Variants in PRKCB observed in about 807,000 individuals in gnomAD.
PRKCB encodes the protein protein kinase C beta.
In PRKCB, 13 loss-of-function variants were observed where a neutral mutation model predicts 81.5. The observed-to-expected ratio is 0.16, with a 90% CI of 0.10 to 0.25. The LOEUF (loss-of-function observed/expected upper bound fraction) is 0.25. Among genes scored for constraint, PRKCB ranks in the 10% least tolerant of loss-of-function variants. The pLI is 1.00. For missense variants in PRKCB, 509 were observed against 875.7 expected (o/e 0.58, Z 5.29); for synonymous variants, 335 against 321.4 (o/e 1.04, Z -0.45).
At chr16:23,974,242 T>C (rs1188644279) in intron 2 of PRKCB, among the ~76,000 whole-genome samples, 1 of 152,046 alleles carries the variant, frequency 6.6e-6, no homozygotes, top group Non-Finnish European at 1.5e-5. Context: ...GCTTGGGGCA[T>C]GTTCTGTTCA....
At chr16:23,945,337 T>C (rs3785390) in intron 2 of PRKCB, among the ~76,000 whole-genome samples, 54,933 of 152,100 alleles carry the variant, frequency 0.36, 10,187 homozygotes, top group South Asian at 0.52. Context: ...GGGGATGATA[T>C]GGAAATAATG....
intron 9 of PRKCB, among the ~76,000 whole-genome samples, chr16:24,154,149 C>T (rs1008115972): frequency 1.3e-5 from 2 of 152,170 alleles, no homozygotes; most frequent in Non-Finnish European, 2.9e-5. Flanking sequence ...ACAATCATCT[C>T]CCCTGGAACC....
rs780807794 is a variant in PRKCB at position 23,988,602 on chromosome 16, G to A, written c.288+12G>A. On this transcript the variant is annotated intron_variant, in intron 3 of 16. Transcript: ENST00000643927. ...GTCCAGCCTCCGATGTAAGTAATGGGCATCGATTGCTTTTCTCTGTCCACA... is the reference window on the plus strand; with the variant it reads ...GTCCAGCCTCCGATGTAAGTAATGGACATCGATTGCTTTTCTCTGTCCACA... The A allele has an allele frequency of 8.1e-6, 13 of 1,610,486 alleles. No individual in the cohort carries two copies. Among genetic ancestry groups the A allele is most frequent in the South Asian group, 6.6e-5 (6 of 90,958 alleles).
At chr16:23,862,552 A>C (rs1434376919) in intron 2 of PRKCB, among the ~76,000 whole-genome samples, 1 of 152,220 alleles carries the variant, frequency 6.6e-6, no homozygotes, top group Non-Finnish European at 1.5e-5. Context: ...ACCTCTCTGC[A>C]GAATCTGCTT....
intron 2 of PRKCB, among the ~76,000 whole-genome samples, chr16:23,909,451 A>C (rs1963617105): frequency 6.6e-6 from 1 of 152,224 alleles, no homozygotes. Flanking sequence ...GAGAGAGGAA[A>C]TCAGCTCTCT....
chr16:24,150,070 C>T (rs1967055902), intron 9 of PRKCB, among the ~76,000 whole-genome samples: 2 of 152,144 alleles, frequency 1.3e-5, no homozygotes, highest in African/African-American at 4.8e-5. Context: ...GTGGCTTACG[C>T]CTGTAATCCC....
At chr16:23,855,839 A>G (rs931721431) in intron 2 of PRKCB, among the ~76,000 whole-genome samples, 1 of 152,326 alleles carries the variant, frequency 6.6e-6, no homozygotes, top group South Asian at 2.1e-4. Context: ...GGAAGGCAGC[A>G]TTACCTTGGG....
chr16:23,947,974 A>G (rs983548603), intron 2 of PRKCB, among the ~76,000 whole-genome samples: 9 of 148,214 alleles, frequency 6.1e-5, no homozygotes, highest in African/African-American at 2.2e-4. Flanking sequence ...CCACTCGCCC[A>G]ACCTCCCTTG....
intron 2 of PRKCB, among the ~76,000 whole-genome samples, chr16:23,930,876 A>G (rs762949081): frequency 1.3e-5 from 2 of 150,274 alleles, no homozygotes; most frequent in African/African-American, 2.4e-5. Context: ...GGTAAATGCT[A>G]TTACTTTGTA....
At chr16:24,076,574 A>G (rs1416979823) in intron 5 of PRKCB, among the ~76,000 whole-genome samples, 1 of 152,180 alleles carries the variant, frequency 6.6e-6, no homozygotes, top group African/African-American at 2.4e-5. Flanking sequence ...ACTCACGTCT[A>G]GCTGCATGGT....
intron 9 of PRKCB, among the ~76,000 whole-genome samples, chr16:24,126,272 T>G (rs1460965611): frequency 6.6e-6 from 1 of 152,170 alleles, no homozygotes; most frequent in Non-Finnish European, 1.5e-5. Context: ...ACGTAAAATG[T>G]TAGGAAGAAT....
intron 3 of PRKCB, among the ~76,000 whole-genome samples, chr16:24,017,879 G>A (rs533370129): frequency 3.4e-5 from 5 of 147,170 alleles, no homozygotes; most frequent in East Asian, 2.0e-4. Context: ...ATAGGCATGC[G>A]CCACCATAAC....
chr16:24,147,481 G>A (rs1170571910), intron 9 of PRKCB, among the ~76,000 whole-genome samples: 3 of 152,100 alleles, frequency 2.0e-5, no homozygotes, highest in South Asian at 2.1e-4. Context: ...AACTGGAATC[G>A]TGACTGCAGC....
chr16:24,098,594 A>G (rs1966469482), intron 7 of PRKCB: 1 of 152,242 alleles, frequency 6.6e-6, no homozygotes, highest in African/African-American at 2.4e-5. Context: ...TACTAAAAAT[A>G]CAAAAATTAG....
intron 2 of PRKCB, among the ~76,000 whole-genome samples, chr16:23,967,801 C>T (rs561156527): frequency 1.3e-5 from 2 of 152,158 alleles, no homozygotes; most frequent in East Asian, 1.9e-4. Context: ...TACAGGCACC[C>T]GCCACCATGC....
At chr16:23,905,950 C>G (rs1330907695) in intron 2 of PRKCB, among the ~76,000 whole-genome samples, 3 of 152,162 alleles carry the variant, frequency 2.0e-5, no homozygotes, top group Non-Finnish European at 4.4e-5. Context: ...ATGTATTTAA[C>G]CAGTCCCCTG....
chr16:24,071,542 A>G (rs1337237989), intron 5 of PRKCB, among the ~76,000 whole-genome samples: 1 of 152,018 alleles, frequency 6.6e-6, no homozygotes, highest in Non-Finnish European at 1.5e-5. Flanking sequence ...TGGATCCAGA[A>G]TTGAGAATGC....
At chr16:24,156,574 C>CTTTT (rs1967162353) in intron 10 of PRKCB, among the ~76,000 whole-genome samples, 2 of 152,054 alleles carry the variant, frequency 1.3e-5, no homozygotes, top group Non-Finnish European at 2.9e-5. Flanking sequence ...CATGCCCGGC[C>CTTTT]AAAGTTGGCT....
chr16:24,052,509 G>A (rs545802583), intron 5 of PRKCB, among the ~76,000 whole-genome samples: 5 of 152,286 alleles, frequency 3.3e-5, no homozygotes, highest in South Asian at 2.1e-4. Flanking sequence ...CCACTTTTGA[G>A]GTCATTTCCT....
Sources: allele counts gnomAD v4.1 joint callset (sites outside exome capture counted in the v4.1 genomes callset), GRCh38; gene constraint gnomAD v4.1.1; transcripts MANE v1.5; gene names NCBI Gene and HGNC (gene_info 2026-07-23, HGNC 2026-07-21).